NEMF: variants seen among roughly 807,000 people sequenced by gnomAD.
The protein encoded by NEMF is ribosome quality control complex subunit NEMF.
In NEMF, 89 loss-of-function variants were observed where a neutral mutation model predicts 162.2. The observed-to-expected ratio is 0.55, with a 90% CI of 0.46 to 0.65. The LOEUF (loss-of-function observed/expected upper bound fraction) is 0.65, where lower values mean the gene tolerates loss of function less well. Ranked by LOEUF, NEMF falls within the 30% of genes least tolerant of loss-of-function variation. NEMF has a pLI of 0.00. For synonymous variants in NEMF, 421 were observed against 404.5 expected (o/e 1.04, Z -0.49); for missense variants, 1,133 against 1,261.9 (o/e 0.90, Z 1.55).
intron 23 of NEMF, 47 bp from the exon 24 acceptor site, chr14:49,799,725 T>C: frequency 6.7e-7 from 1 of 1,484,080 alleles, no homozygotes; most frequent in South Asian, 1.2e-5. Flanking sequence ...GTAAAAGACA[T>C]GCATTTACAA....
In NEMF at chr14:49,828,668, G is replaced by T. The variant is rs376060040; in HGVS notation, c.1372C>A (p.Pro458Thr). Residue 458 changes from proline to threonine, a missense_variant, in exon 14 of 33, where the codon CCC becomes ACC. This residue lies in a region of NEMF where 582 missense variants were observed against 631.5 expected (regional missense o/e 0.92). Transcript: ENST00000298310. The stretch of plus-strand genomic sequence containing the variant: ...CTGAGATCAACATCTACAAGTAAGG[G>T]CTTATTTTTCTGAGGCTTCTGCAGC... ...KQLQKPQKNK[P>T]LLVDVDLSLS... 3.1e-6 allele frequency: 5 copies of T among 1,597,318 alleles called. No individual in the cohort carries two copies. The highest frequency in any genetic ancestry group is 4.3e-6 in the Non-Finnish European group (5 of 1,175,746).
At chr14:49,843,596 C>T (rs1409484638) in intron 4 of NEMF, among the ~76,000 whole-genome samples, 2 of 152,230 alleles carry the variant, frequency 1.3e-5, no homozygotes, top group East Asian at 3.8e-4. Flanking sequence ...ACTTCGATGT[C>T]GTGTGAACGT....
chr14:49,838,918 A>G (rs1594798172), intron 5 of NEMF, among the ~76,000 whole-genome samples: 2 of 151,718 alleles, frequency 1.3e-5, no homozygotes, highest in African/African-American at 2.4e-5. Context: ...CTGTACATCA[A>G]TGTGGTCCCC....
At chr14:49,841,226 AAAAAC>A (rs1480887583) in intron 4 of NEMF, among the ~76,000 whole-genome samples, 3 of 150,812 alleles carry the variant, frequency 2.0e-5, no homozygotes, top group Non-Finnish European at 1.5e-5. Context: ...AAGGAAATAA[AAAAAC>A]AAAACAAAAC....
intron 11 of NEMF, 116 bp downstream of exon 11, chr14:49,831,183 G>C: frequency 4.8e-6 from 3 of 627,532 alleles, no homozygotes; most frequent in Non-Finnish European, 8.5e-6. Flanking sequence ...AGGCAGGTCA[G>C]AGAGTTCCCA....
Position 49,809,818 on chromosome 14 carries a change from G to A in NEMF, c.1745-3685C>T, listed in dbSNP as rs542018663. On this transcript the variant is annotated intron_variant, in intron 18 of 32. Coordinates refer to ENST00000298310, the MANE Select transcript of NEMF (RefSeq NM_004713.6). ...AGACGTTGCAGTAAGCTGAGATTAC[G>A]CAACTGCACTCCAGGCTGGGCAACA... is the stretch of plus-strand genomic sequence containing the variant. Among the ~76,000 whole-genome samples, 6 of 151,990 alleles carry A rather than the reference G, an allele frequency of 3.9e-5. No homozygotes were observed. The East Asian group carries it at 9.7e-4, about 25-fold the overall frequency.
chr14:49,836,030 A>T (rs183262177), intron 6 of NEMF, among the ~76,000 whole-genome samples: 12 of 152,338 alleles, frequency 7.9e-5, no homozygotes, highest in Admixed American at 7.8e-4. Flanking sequence ...TGATCCACAG[A>T]CTTAATGTAA....
chr14:49,806,232 GTATATA>G (rs67644205), intron 18 of NEMF, 99 bp from the exon 19 acceptor site: 11 of 36,262 alleles, frequency 3.0e-4, no homozygotes, highest in Middle Eastern at 0.01. Context: ...AATGATATGT[GTATATA>G]TATATATATA....
intron 18 of NEMF, among the ~76,000 whole-genome samples, chr14:49,811,276 C>T (rs965154476): frequency 7.9e-5 from 12 of 152,120 alleles, no homozygotes; most frequent in African/African-American, 2.9e-4. Context: ...TACAGAAATA[C>T]AACTGATTTT....
intron 11 of NEMF, 41 bp downstream of exon 11, chr14:49,831,258 A>G (rs2139974254): frequency 8.7e-7 from 1 of 1,150,984 alleles, no homozygotes; most frequent in Non-Finnish European, 1.3e-6. Context: ...TCAAGCCGCT[A>G]AAGACTAGCT....
In NEMF at chr14:49,818,856, C is replaced by G. The variant is rs1005882618; in HGVS notation, c.1578-3999G>C. ...AATCTTTTCTGGGAAATGAGACTAG[C>G]TCAAGGGGAAAAGGGCTAAAGACAA... On this transcript the variant is annotated intron_variant, in intron 16 of 32. Coordinates refer to ENST00000298310, the MANE Select transcript of NEMF (RefSeq NM_004713.6). Among the ~76,000 whole-genome samples the G allele has an allele frequency of 4.6e-5, 7 of 152,086 alleles. No homozygotes were observed. In the South Asian group the frequency reaches 8.3e-4, roughly 18 times the overall value.
rs1891606618 is a variant in NEMF at position 49,814,048 on chromosome 14, C to T, written c.1684G>A (p.Asp562Asn). Residue 562 changes from aspartate to asparagine, a missense_variant and splice_region_variant, in exon 18 of 33, where the codon GAC (aspartate) becomes AAC (asparagine). This residue lies in a region of NEMF where 19 missense variants were observed against 51.8 expected (regional missense o/e 0.37). Coordinates refer to ENST00000298310, the MANE Select transcript of NEMF (RefSeq NM_004713.6). The part of the protein sequence containing the change: ...IIVKRYLTPG[D>N]IYVHADLHGA... ...TGAAGATCAGCATGTACATAAATGT[C>T]TCCTTAAATACAGACAAATAAAAAA... 2.0e-6 allele frequency: 3 copies of T among 1,523,374 alleles called. No homozygotes were observed. The highest frequency in any genetic ancestry group is 2.2e-5 in the South Asian group (2 of 89,180). 94.4% of individuals were successfully genotyped at this position (1,523,374 alleles called of 1,614,324 possible).
chr14:49,786,368 CTTAGAT>C (rs1198230090), intron 29 of NEMF: 1 of 197,214 alleles, frequency 5.1e-6, no homozygotes, highest in African/African-American at 2.3e-5. Context: ...TATGAATAAA[CTTAGAT>C]TTAGGACAGA....
In NEMF at chr14:49,802,448, A is replaced by G. The variant is rs1343464319; in HGVS notation, c.2095+5T>C. 4 of 1,610,732 alleles carry G rather than the reference A, an allele frequency of 2.5e-6. No individual in the cohort carries two copies. Among genetic ancestry groups the G allele is most frequent in the Non-Finnish European group, 3.4e-6 (4 of 1,179,040 alleles). On this transcript the variant is annotated splice_donor_5th_base_variant and intron_variant, in intron 22 of 32. Coordinates refer to ENST00000298310, the MANE Select transcript of NEMF (RefSeq NM_004713.6). ...CAAGCTAATTTCTTAAAATCTATAA[A>G]CTACCTAATTGTTCCATTTCTTCTG... is the stretch of plus-strand genomic sequence containing the variant.
Position 49,805,312 on chromosome 14 carries a change from G to C in NEMF, c.1857+709C>G, listed in dbSNP as rs150743092. On this transcript the variant is annotated intron_variant, in intron 19 of 32. Transcript: ENST00000298310. ...TCATCATCAATTATAATTCTCAAAA[G>C]TATGATAAGAAATCAATAGCAATGT... Among the ~76,000 whole-genome samples, 522 of 152,164 alleles carry C rather than the reference G, an allele frequency of 3.4e-3. 3 individuals are homozygous for C. The highest frequency in any genetic ancestry group is 0.012 in the African/African-American group (499 of 41,516).
chr14:49,806,051 G>A lies in NEMF; in HGVS notation c.1827C>T (p.Ile609=). 4.3e-6 allele frequency: 7 copies of A among 1,610,796 alleles called. No individual in the cohort carries two copies. The highest frequency in any genetic ancestry group is 5.9e-6 in the Non-Finnish European group (7 of 1,178,498). The part of the protein sequence containing the change: ...CYSAAWDARV[I]TSAWWVYHHQ... ...GATGGTACACCCACCAAGCACTAGTGATAACTCGTGCATCCCAAGCAGCAC... is the reference window on the plus strand; with the variant it reads ...GATGGTACACCCACCAAGCACTAGTAATAACTCGTGCATCCCAAGCAGCAC... Residue 609 remains isoleucine, a synonymous_variant, in exon 19 of 33, where the codon ATC becomes ATT. Coordinates refer to ENST00000298310, the MANE Select transcript of NEMF (RefSeq NM_004713.6).
chr14:49,783,486 A>G lies in NEMF; in HGVS notation c.*1150T>C, dbSNP rs946700288. On this transcript the variant is annotated 3_prime_UTR_variant, in exon 33 of 33. Transcript: ENST00000298310. ...ATGCTTCAGTGTAGGGGCTGGAGCA[A>G]GTGGTCATGCTGAATACAGGCAGGT... The G allele has an allele frequency of 6.6e-6, 1 of 151,810 alleles. No individual in the cohort carries two copies. Among genetic ancestry groups the G allele is most frequent in the Non-Finnish European group, 1.5e-5 (1 of 68,024 alleles). 9.4% of individuals were successfully genotyped at this position (151,810 alleles called of 1,614,324 possible). A position where few individuals can be genotyped will look rare whatever the true frequency, so the allele number is the denominator to read the frequency against.
rs1236100408 is a variant in NEMF, at chr14:49,782,443, G to C, written c.*2193C>G. 6.2e-7 allele frequency: 1 copy of C among 1,611,822 alleles called. No homozygotes were observed. The highest frequency in any genetic ancestry group is 1.1e-5 in the South Asian group (1 of 90,994). On this transcript the variant is annotated 3_prime_UTR_variant, in exon 33 of 33. Transcript: ENST00000298310. ...TGGTGGATGTGCCAACAACTTGCTTGTCCATCACAGAGCTGTAAGTATACT... is the reference window on the plus strand; with the variant it reads ...TGGTGGATGTGCCAACAACTTGCTTCTCCATCACAGAGCTGTAAGTATACT...
At chr14:49,801,134 T>C (rs4900959) in intron 22 of NEMF, 123,809 of 161,042 alleles carry the variant, frequency 0.77, 48,325 homozygotes, top group East Asian at 0.98. Flanking sequence ...CAGGGTCTAC[T>C]GCCTCACCTG....
Sources: allele counts gnomAD v4.1 joint callset (sites outside exome capture counted in the v4.1 genomes callset), GRCh38; gene constraint gnomAD v4.1.1; regional missense constraint gnomAD v4.1.1; transcripts MANE v1.5; gene names NCBI Gene and HGNC (gene_info 2026-07-23, HGNC 2026-07-21).